Variants in CREB3L1 observed in about 807,000 individuals in gnomAD.
CREB3L1 encodes the protein cAMP responsive element binding protein 3 like 1, also known as cyclic AMP-responsive element-binding protein 3-like protein 1.
In CREB3L1, 33 loss-of-function variants were observed where a neutral mutation model predicts 54.5. The ratio of observed to expected loss-of-function variants is 0.61; its 90% CI spans 0.46 to 0.81. The LOEUF is 0.81. Ranked by LOEUF, CREB3L1 falls within the 30% of genes least tolerant of loss-of-function variation. The pLI is 0.00. For missense variants in CREB3L1, 656 were observed against 673.3 expected, an observed-to-expected ratio of 0.97 and a Z score of 0.29; for synonymous variants, 284 against 286.4, an observed-to-expected ratio of 0.99 and a Z score of 0.08.
Position 46,295,074 on chromosome 11 carries a change from A to C in CREB3L1, c.103-4861A>C, listed in dbSNP as rs1293891817. 3 of 152,444 alleles carry C rather than the reference A, an allele frequency of 2.0e-5. No homozygotes were observed. Among genetic ancestry groups the C allele is most frequent in the Non-Finnish European group, 4.4e-5 (3 of 68,478 alleles). 9.4% of individuals were successfully genotyped at this position (152,444 alleles called of 1,614,324 possible). A position where few individuals can be genotyped will look rare whatever the true frequency, so the allele number is the denominator to read the frequency against. On this transcript the variant is annotated intron_variant, in intron 1 of 11. Coordinates refer to ENST00000621158, the MANE Select transcript of CREB3L1 (RefSeq NM_052854.4). The surrounding 1 kb of genome is among the most constrained non-coding windows in gnomAD (Gnocchi z 4.6). The stretch of plus-strand genomic sequence containing the variant: ...CCAGCCTGGGCCGGGGGAGGGGCAG[A>C]AGTTAGGAGTGGGGGTGCAGGCGCC...
At position 46,310,170 on chromosome 11, in the gene CREB3L1, C is replaced by T. The variant is rs1939462165; in HGVS notation, c.595+103C>T. On this transcript the variant is annotated intron_variant, in intron 4 of 11. Coordinates refer to ENST00000621158, the MANE Select transcript of CREB3L1 (RefSeq NM_052854.4). ...ATCCCTATCTCTTGACAACCTTCCCCCACCCAGAATATCCTCTCCACCCTG... is the reference window on the plus strand; with the variant it reads ...ATCCCTATCTCTTGACAACCTTCCCTCACCCAGAATATCCTCTCCACCCTG... The T allele has an allele frequency of 4.8e-6, 4 of 826,930 alleles. 1 individual carries two copies. In the Admixed American group the frequency reaches 8.4e-5, roughly 17 times the overall value. The allele number at this position is 826,930 out of a possible 1,614,324, so 51.2% of individuals were successfully genotyped here. A position where few individuals can be genotyped will look rare whatever the true frequency, so the allele number is the denominator to read the frequency against.
At position 46,316,345 on chromosome 11, in the gene CREB3L1, C is replaced by A; in HGVS notation, c.1091C>A (p.Pro364His). The A allele has an allele frequency of 1.3e-6, 2 of 1,575,240 alleles. No individual in the cohort carries two copies. The highest frequency in any genetic ancestry group is 4.7e-5 in the East Asian group (2 of 42,418). The change falls in exon 9 of 12, where the codon CCT (proline) becomes CAT (histidine). Residue 364 changes from proline (P) to histidine (H), a missense_variant. Physicochemically the swap from Pro to His is moderately conservative, Grantham distance 77. This residue lies in a region of CREB3L1 where 240 missense variants were observed against 219.8 expected (regional missense o/e 1.09). Transcript: ENST00000621158. ...CTGGTCACCAACAAGATCTCCAGACCTTACAAGATGGCCGCCACCCAGACT... is the reference window on the plus strand; with the variant it reads ...CTGGTCACCAACAAGATCTCCAGACATTACAAGATGGCCGCCACCCAGACT... ...QTLVTNKISRPYKMAATQTGT... is the reference protein window; with the variant it reads ...QTLVTNKISRHYKMAATQTGT...
At chr11:46,302,289 C>T (rs761574590) in intron 2 of CREB3L1, among the ~76,000 whole-genome samples, 1 of 151,974 alleles carries the variant, frequency 6.6e-6, no homozygotes, top group South Asian at 2.1e-4. Flanking sequence ...TGAGACGCTA[C>T]TTGAGAGAGA....
chr11:46,298,826 C>T (rs575941810), intron 1 of CREB3L1, among the ~76,000 whole-genome samples: 5 of 152,114 alleles, frequency 3.3e-5, no homozygotes, highest in Non-Finnish European at 5.9e-5. Flanking sequence ...TAAGAGGCAA[C>T]GTTTATTGAG....
chr11:46,312,568 A>G (rs767169304), intron 6 of CREB3L1, 44 bp from the exon 7 acceptor site: 1 of 1,608,460 alleles, frequency 6.2e-7, no homozygotes, highest in Non-Finnish European at 8.5e-7. Context: ...CAGGAAGTGA[A>G]TATGTGGCAG....
At chr11:46,317,218 G>T in intron 9 of CREB3L1, 143 bp from the exon 10 acceptor site, 1 of 1,019,680 alleles carries the variant, frequency 9.8e-7, no homozygotes. Flanking sequence ...ACATGTAGGA[G>T]GGAGTGGTCG....
At position 46,320,244 on chromosome 11, in the gene CREB3L1, A is replaced by G. The variant is rs777215851; in HGVS notation, c.1259-20A>G. On this transcript the variant is annotated intron_variant, in intron 10 of 11. Transcript: ENST00000621158. ...TGAGGGAATCTTGGGCACACCGCTCATCCTACACTCCCTCTCCAGTGCCCT... is the reference window on the plus strand; with the variant it reads ...TGAGGGAATCTTGGGCACACCGCTCGTCCTACACTCCCTCTCCAGTGCCCT... 3.2e-6 allele frequency: 5 copies of G among 1,569,722 alleles called. No homozygotes were observed. In the East Asian group the frequency reaches 1.1e-4, roughly 35 times the overall value.
intron 9 of CREB3L1, among the ~76,000 whole-genome samples, chr11:46,316,593 G>A (rs759107904): frequency 4.6e-5 from 7 of 152,274 alleles, no homozygotes; most frequent in South Asian, 2.1e-4. Flanking sequence ...ACCGGTCCCC[G>A]ACTGGTTAAC....
At position 46,278,304 on chromosome 11, in the gene CREB3L1, C is replaced by A; in HGVS notation, c.102+91C>A. 1.4e-6 allele frequency: 1 copy of A among 736,940 alleles called. No individual in the cohort carries two copies. Among genetic ancestry groups the A allele is most frequent in the Non-Finnish European group, 2.2e-6 (1 of 453,668 alleles). 45.7% of individuals were successfully genotyped at this position (736,940 alleles called of 1,614,324 possible). A position where few individuals can be genotyped will look rare whatever the true frequency, so the allele number is the denominator to read the frequency against. ...CCTAGAAGGACCCGACTACACATCA[C>A]TGGGCAGGAGCCGGGGAGAGGGTTC... On this transcript the variant is annotated intron_variant, in intron 1 of 11. Transcript: ENST00000621158. This position sits in a 1 kb window ranked among gnomAD's most constrained non-coding sequence, Gnocchi z 4.2.
chr11:46,284,794 G>A (rs969579622), intron 1 of CREB3L1, among the ~76,000 whole-genome samples: 5 of 152,140 alleles, frequency 3.3e-5, no homozygotes, highest in African/African-American at 1.2e-4. Flanking sequence ...GCAAGAAGAA[G>A]CTACAAGCAA....
In CREB3L1 at chr11:46,300,160, C is replaced by G; in HGVS notation, c.328C>G (p.Gln110Glu). The G allele has an allele frequency of 6.2e-7, 1 of 1,609,888 alleles. No individual in the cohort carries two copies. Among genetic ancestry groups the G allele is most frequent in the African/African-American group, 1.3e-5 (1 of 74,950 alleles). ...GCCCATCAAGATGGAGGACACCACC[C>G]AAGGTAAGAGGTGGAAGAACCTGGG... The part of the protein sequence containing the change: ...LVPIKMEDTT[Q>E]DAEHGAWALG... The change falls in exon 2 of 12, where the codon CAA becomes GAA. Residue 110 changes from glutamine (Q) to glutamate (E), a missense_variant. Physicochemically the swap from Gln to Glu is conservative, Grantham distance 29. Coordinates refer to ENST00000621158, the MANE Select transcript of CREB3L1 (RefSeq NM_052854.4).
intron 1 of CREB3L1, among the ~76,000 whole-genome samples, chr11:46,296,792 T>G (rs1016427916): frequency 2.6e-5 from 4 of 152,154 alleles, no homozygotes; most frequent in African/African-American, 9.7e-5. Context: ...TGGCTCCCGT[T>G]GCTCTGGAAG....
intron 1 of CREB3L1, among the ~76,000 whole-genome samples, chr11:46,281,393 C>T (rs1451515686): frequency 6.6e-6 from 1 of 152,236 alleles, no homozygotes; most frequent in Admixed American, 6.5e-5. Flanking sequence ...CTTCCTCTGG[C>T]TAAGGGGAAG....
Position 46,302,968 on chromosome 11 carries a change from G to A in CREB3L1, c.331+2805G>A, listed in dbSNP as rs375356314. On this transcript the variant is annotated intron_variant, in intron 2 of 11. Transcript: ENST00000621158. ...TGCACTCCAGCGGAGGTGACAAAGC[G>A]AGATTCTGTCTCAAAAAAAAATAAA... is the stretch of plus-strand genomic sequence containing the variant. Among the ~76,000 whole-genome samples, 17 of 152,192 alleles carry A rather than the reference G, an allele frequency of 1.1e-4. No individual in the cohort carries two copies. The South Asian group carries it at 2.1e-3, about 19-fold the overall frequency.
At chr11:46,310,182 T>C (rs1342569811) in intron 4 of CREB3L1, 115 bp downstream of exon 4, 5 of 733,882 alleles carry the variant, frequency 6.8e-6, no homozygotes, top group Non-Finnish European at 9.5e-6. Context: ...ACCCAGAATA[T>C]CCTCTCCACC....
intron 1 of CREB3L1, among the ~76,000 whole-genome samples, chr11:46,299,493 T>C (rs1282210126): frequency 1.3e-5 from 2 of 152,224 alleles, no homozygotes; most frequent in Admixed American, 1.3e-4. Flanking sequence ...AACAAACTTG[T>C]TGGCGTAGAC....
At chr11:46,294,519 A>C (rs1939174526) in intron 1 of CREB3L1, among the ~76,000 whole-genome samples, 2 of 152,230 alleles carry the variant, frequency 1.3e-5, no homozygotes, top group Admixed American at 6.5e-5. Context: ...GCCACTGCCC[A>C]GGTCTCAGAG....
chr11:46,285,200 T>C (rs371988354), intron 1 of CREB3L1, among the ~76,000 whole-genome samples: 2 of 152,298 alleles, frequency 1.3e-5, no homozygotes, highest in East Asian at 1.9e-4. Flanking sequence ...ACCGAGGCCC[T>C]CCTGGAGCAT....
At chr11:46,288,159 T>C (rs775901870) in intron 1 of CREB3L1, among the ~76,000 whole-genome samples, 3 of 152,114 alleles carry the variant, frequency 2.0e-5, no homozygotes, top group Non-Finnish European at 4.4e-5. Context: ...CTCCACTCAC[T>C]GCAGCCTCCG....
Sources: gnomAD v4.1 joint callset for allele counts (sites outside exome capture counted in the v4.1 genomes callset) on GRCh38, gnomAD v4.1.1 for gene constraint, gnomAD v4.1.1 regional missense constraint, Gnocchi (gnomAD v3.1) non-coding constraint, MANE v1.5 for transcripts, NCBI Gene and HGNC (gene_info 2026-07-23, HGNC 2026-07-21) for gene names.